ITGA9: variants seen among roughly 807,000 people sequenced by gnomAD.
ITGA9 encodes integrin alpha-9.
Under a neutral mutation model 127.8 loss-of-function variants are expected in ITGA9, and 56 were observed. That is an observed-to-expected ratio of 0.44 (90% CI 0.35 to 0.55). ITGA9 has a LOEUF of 0.55. Among genes scored for constraint, ITGA9 ranks in the 20% least tolerant of loss-of-function variants. The pLI is 0.00. For synonymous variants in ITGA9, 508 were observed against 514.5 expected (o/e 0.99, Z 0.17); for missense variants, 1,196 against 1,347.1 (o/e 0.89, Z 1.76).
intron 4 of ITGA9, among the ~76,000 whole-genome samples, chr3:37,485,541 G>A (rs1698601011): frequency 6.6e-6 from 1 of 152,108 alleles, no homozygotes; most frequent in African/African-American, 2.4e-5. Context: ...AGGTGAAAGT[G>A]CTCAGCAAGG....
At chr3:37,741,850 A>C in intron 21 of ITGA9, 31 bp downstream of exon 21, 2 of 1,525,010 alleles carry the variant, frequency 1.3e-6, no homozygotes, top group Non-Finnish European at 1.8e-6. Flanking sequence ...TTGCCACAAC[A>C]CAGGAGTGCC....
At chr3:37,458,113 A>G (rs906265760) in intron 1 of ITGA9, among the ~76,000 whole-genome samples, 2 of 152,374 alleles carry the variant, frequency 1.3e-5, no homozygotes, top group East Asian at 1.9e-4. Flanking sequence ...TTCGTCAGAT[A>G]GTATCTACAA....
At chr3:37,708,937 T>C (rs1341110539) in intron 18 of ITGA9, among the ~76,000 whole-genome samples, 2 of 152,170 alleles carry the variant, frequency 1.3e-5, no homozygotes, top group Non-Finnish European at 2.9e-5. Context: ...AAGAGTAGGG[T>C]TTTGTCACCA....
At chr3:37,630,850 G>C (rs1043438365) in intron 16 of ITGA9, among the ~76,000 whole-genome samples, 2 of 152,162 alleles carry the variant, frequency 1.3e-5, no homozygotes, top group Non-Finnish European at 2.9e-5. Flanking sequence ...GGGAGGACAC[G>C]TGGTGTCTAA....
intron 18 of ITGA9, among the ~76,000 whole-genome samples, chr3:37,702,924 G>A (rs1322075681): frequency 6.6e-6 from 1 of 151,968 alleles, no homozygotes; most frequent in Non-Finnish European, 1.5e-5. Context: ...ACCCAAAGGT[G>A]GGTCACATGG....
chr3:37,713,694 G>A (rs1189932429), intron 18 of ITGA9, among the ~76,000 whole-genome samples: 1 of 152,160 alleles, frequency 6.6e-6, no homozygotes, highest in Non-Finnish European at 1.5e-5. Context: ...TTTGTAAAAA[G>A]CCTGTCGAGC....
intron 13 of ITGA9, among the ~76,000 whole-genome samples, chr3:37,531,087 C>A (rs991780249): frequency 6.6e-6 from 1 of 151,880 alleles, no homozygotes; most frequent in African/African-American, 2.4e-5. Context: ...GCACTGAAAG[C>A]GCTTGTGGTG....
intron 18 of ITGA9, among the ~76,000 whole-genome samples, chr3:37,690,344 AT>A: frequency 6.6e-6 from 1 of 152,280 alleles, no homozygotes; most frequent in African/African-American, 2.4e-5. Context: ...ATGTCAGGAC[AT>A]TTTAGAAATC....
At chr3:37,457,714 GA>G (rs1698276219) in intron 1 of ITGA9, among the ~76,000 whole-genome samples, 1 of 152,182 alleles carries the variant, frequency 6.6e-6, no homozygotes, top group Admixed American at 6.5e-5. Flanking sequence ...GTTCCAAGGG[GA>G]TCCAAAAAGC....
rs72867550 is a variant in ITGA9 at position 37,513,936 on chromosome 3, G to A, written c.1035+36G>A. 3.8e-5 allele frequency: 61 copies of A among 1,611,722 alleles called. No homozygotes were observed. The African/African-American group carries it at 7.5e-4, about 20-fold the overall frequency. On this transcript the variant is annotated intron_variant, in intron 9 of 27. Coordinates refer to ENST00000264741, the MANE Select transcript of ITGA9 (RefSeq NM_002207.3). ...TACTGGGCAATGTGCGGATGGGTGT[G>A]GGGGAGGGACATTTGTCCAGCCAGC...
At chr3:37,573,747 A>G (rs1425850404) in intron 15 of ITGA9, among the ~76,000 whole-genome samples, 1 of 152,206 alleles carries the variant, frequency 6.6e-6, no homozygotes, top group Non-Finnish European at 1.5e-5. Flanking sequence ...AAAGAAGAGA[A>G]TATGAGCCAT....
At chr3:37,706,656 G>T (rs568824148) in intron 18 of ITGA9, among the ~76,000 whole-genome samples, 166 of 152,282 alleles carry the variant, frequency 1.1e-3, no homozygotes, top group African/African-American at 3.8e-3. Context: ...CTGGCCAGGG[G>T]TGTCATTGAG....
At chr3:37,818,773 A>G in intron 27 of ITGA9, 118 bp from the exon 28 acceptor site, 1 of 762,568 alleles carries the variant, frequency 1.3e-6, no homozygotes, top group East Asian at 2.6e-5. Flanking sequence ...GGGGTCCTCC[A>G]AGCCTCCCCA....
intron 18 of ITGA9, among the ~76,000 whole-genome samples, chr3:37,702,240 A>G (rs954539918): frequency 5.3e-5 from 8 of 152,272 alleles, no homozygotes; most frequent in African/African-American, 1.9e-4. Flanking sequence ...CTCCAGAAAG[A>G]TTTCTCAGCC....
intron 26 of ITGA9, among the ~76,000 whole-genome samples, chr3:37,786,010 CAGGGGGGTTG>C (rs35352080): frequency 0.43 from 62,886 of 146,110 alleles, 13,421 homozygotes; most frequent in African/African-American, 0.46. Flanking sequence ...CTTGCAGGAG[CAGGGGGGTTG>C]AGGGGGGTTG....
intron 13 of ITGA9, among the ~76,000 whole-genome samples, chr3:37,528,027 T>C (rs267511): frequency 0.62 from 94,464 of 151,902 alleles, 29,743 homozygotes; most frequent in East Asian, 0.86. Context: ...CCTCGTGATC[T>C]GCCCACCTCA....
chr3:37,545,505 C>T (rs1699317322), intron 15 of ITGA9, among the ~76,000 whole-genome samples: 1 of 152,198 alleles, frequency 6.6e-6, no homozygotes, highest in Non-Finnish European at 1.5e-5. Context: ...GTTCCATTCA[C>T]CGTATTGGAG....
chr3:37,479,546 G>A (rs75974193), intron 3 of ITGA9, among the ~76,000 whole-genome samples: 16,973 of 152,180 alleles, frequency 0.11, 1,078 homozygotes, highest in Middle Eastern at 0.17. Flanking sequence ...AATGATGTCA[G>A]GGAGAACCAG....
At position 37,604,467 on chromosome 3, in the gene ITGA9, T is replaced by A. The variant is rs1366386160; in HGVS notation, c.1690-24720T>A. Among the ~76,000 whole-genome samples the A allele has an allele frequency of 2.0e-5, 3 of 152,234 alleles. No homozygotes were observed. The East Asian group carries it at 5.8e-4, about 29-fold the overall frequency. On this transcript the variant is annotated intron_variant, in intron 15 of 27. Transcript: ENST00000264741. ...GTTCATGGGAATCTATAGGCTATTGTGTATAACTGGAGGGTAGCAGAAAAC... is the reference window on the plus strand; with the variant it reads ...GTTCATGGGAATCTATAGGCTATTGAGTATAACTGGAGGGTAGCAGAAAAC...
Sources: gnomAD v4.1 joint callset for allele counts (sites outside exome capture counted in the v4.1 genomes callset) on GRCh38, gnomAD v4.1.1 for gene constraint, MANE v1.5 for transcripts, NCBI Gene and HGNC (gene_info 2026-07-23, HGNC 2026-07-21) for gene names.